Variants in CELA2A observed in about 807,000 individuals in gnomAD.
CELA2A encodes chymotrypsin like elastase 2A, also known as chymotrypsin-like elastase family member 2A.
CELA2A carries 31 observed loss-of-function variants against 35.3 expected under a neutral mutation model. The ratio of observed to expected loss-of-function variants is 0.88; its 90% CI spans 0.66 to 1.19. The LOEUF (loss-of-function observed/expected upper bound fraction) is 1.19. Among genes scored for constraint, CELA2A ranks in the 50% most tolerant of loss-of-function variants. The pLI is 0.00. For missense variants in CELA2A, 330 were observed against 352.9 expected (o/e 0.94, Z 0.52); for synonymous variants, 150 against 149.8 (o/e 1.00, Z -0.01).
At chr1:15,461,738 C>T in intron 3 of CELA2A, 80 bp downstream of exon 3, 1 of 1,529,082 alleles carries the variant, frequency 6.5e-7, no homozygotes, top group Non-Finnish European at 9.1e-7. Context: ...TGGCCTGAAC[C>T]ATGCTACATA....
intron 7 of CELA2A, among the ~76,000 whole-genome samples, chr1:15,471,328 C>G (rs1176564808): frequency 6.6e-6 from 1 of 152,130 alleles, no homozygotes; most frequent in Non-Finnish European, 1.5e-5. Context: ...GAGTAGATCA[C>G]TTGAGGTCAG....
At chr1:15,461,029 G>A (rs1233128789) in intron 2 of CELA2A, among the ~76,000 whole-genome samples, 7 of 152,146 alleles carry the variant, frequency 4.6e-5, no homozygotes, top group African/African-American at 7.2e-5. Context: ...CCTTGTTCAC[G>A]CAGCGGTAGC....
In CELA2A at chr1:15,463,283, G is replaced by T. The variant is rs562156929; in HGVS notation, c.357-103G>T. 74 of 1,555,594 alleles carry T rather than the reference G, an allele frequency of 4.8e-5. No individual in the cohort carries two copies. In the South Asian group the frequency reaches 8.3e-4, roughly 17 times the overall value. On this transcript the variant is annotated intron_variant, in intron 4 of 7. Coordinates refer to ENST00000359621, the MANE Select transcript of CELA2A (RefSeq NM_033440.3). ...GCCCTGCCAGTCAGAGCAACCTGGG[G>T]TAACAGGGTACAGGGAAGATGACAA... is the stretch of plus-strand genomic sequence containing the variant.
chr1:15,461,062 T>A (rs1557516150), intron 2 of CELA2A, among the ~76,000 whole-genome samples: 4 of 152,060 alleles, frequency 2.6e-5, no homozygotes, highest in African/African-American at 4.8e-5. Flanking sequence ...CGAGCAAAAG[T>A]GGGGGAAAGA....
chr1:15,459,786 A>G (rs1364543456), intron 2 of CELA2A, among the ~76,000 whole-genome samples: 1 of 152,100 alleles, frequency 6.6e-6, no homozygotes, highest in Admixed American at 6.6e-5. Context: ...CAAGTAAGAC[A>G]TTCACTCTGG....
chr1:15,472,051 A>G lies in CELA2A; in HGVS notation c.*44A>G. 6.2e-7 allele frequency: 1 copy of G among 1,611,814 alleles called. No homozygotes were observed. The highest frequency in any genetic ancestry group is 1.1e-5 in the South Asian group (1 of 91,042). On this transcript the variant is annotated 3_prime_UTR_variant, in exon 8 of 8. Coordinates refer to ENST00000359621, the MANE Select transcript of CELA2A (RefSeq NM_033440.3). ...ACTGTTTCAGACTTGGAAAGGTCAC[A>G]GAAGGAAAATAATATAATAAAGTGA...
At position 15,463,469 on chromosome 1, in the gene CELA2A, C is replaced by T; in HGVS notation, c.440C>T (p.Thr147Ile). The T allele has an allele frequency of 6.2e-7, 1 of 1,614,058 alleles. No individual in the cohort carries two copies. The highest frequency in any genetic ancestry group is 8.5e-7 in the Non-Finnish European group (1 of 1,179,968). Residue 147 changes from threonine (T) to isoleucine (I), a missense_variant, in exon 5 of 8, where the codon ACC becomes ATC. Thr to Ile is a moderately conservative substitution (Grantham distance 89, BLOSUM62 -1). Coordinates refer to ENST00000359621, the MANE Select transcript of CELA2A (RefSeq NM_033440.3). The part of the protein sequence containing the change: ...IQLACLPPAG[T>I]ILPNNYPCYV... ...CTGGCCTGCCTCCCTCCTGCCGGCA[C>T]CATTCTACCCAACAACTACCCCTGC...
At chr1:15,468,153 ATC>A (rs771060667) in intron 7 of CELA2A, among the ~76,000 whole-genome samples, 18 of 150,342 alleles carry the variant, frequency 1.2e-4, no homozygotes, top group Admixed American at 6.6e-4. Context: ...ATTTTTGTTT[ATC>A]TGTGTGTAGG....
Position 15,468,073 on chromosome 1 carries a change from G to A in CELA2A, c.792+535G>A, listed in dbSNP as rs149725763. Among the ~76,000 whole-genome samples the A allele has an allele frequency of 9.1e-3, 1,025 of 112,174 alleles. 17 individuals are homozygous for A. Among genetic ancestry groups the A allele is most frequent in the African/African-American group, 0.031 (945 of 30,068 alleles). 73.6% of individuals were successfully genotyped at this position (112,174 alleles called of 152,430 possible). A position where few individuals can be genotyped will look rare whatever the true frequency, so the allele number is the denominator to read the frequency against. ...CACCATTGCACTCCAGCCTGGACAA[G>A]AAGAGTGAAACTCCATCTAAAAAAA... On this transcript the variant is annotated intron_variant, in intron 7 of 7. Coordinates refer to ENST00000359621, the MANE Select transcript of CELA2A (RefSeq NM_033440.3).
chr1:15,467,160 T>G (rs1708529403), intron 6 of CELA2A, among the ~76,000 whole-genome samples: 1 of 152,184 alleles, frequency 6.6e-6, no homozygotes, highest in Admixed American at 6.5e-5. Context: ...TTTGTGAGGA[T>G]TAATGAGATG....
At chr1:15,463,824 G>A (rs545470673) in intron 5 of CELA2A, among the ~76,000 whole-genome samples, 12 of 152,042 alleles carry the variant, frequency 7.9e-5, no homozygotes, top group Admixed American at 2.0e-4. Flanking sequence ...CCCATCCCGC[G>A]GATCACTTGA....
intron 5 of CELA2A, 116 bp downstream of exon 5, chr1:15,463,638 A>G (rs1708471422): frequency 6.6e-7 from 1 of 1,517,788 alleles, no homozygotes; most frequent in Non-Finnish European, 8.9e-7. Flanking sequence ...CCTTGGAGAG[A>G]CGGGATGGCA....
At position 15,462,799 on chromosome 1, in the gene CELA2A, G is replaced by GT. The variant is rs750869865; in HGVS notation, c.294_295insT (p.Ala99CysfsTer6). ...TCTACGTTGCGGAGTCCGGCTCGCT[G>GT]GCAGTCAGTGTCTCTAAGATTGTGG... On this transcript the variant is annotated frameshift_variant, in exon 4 of 8. Coordinates refer to ENST00000359621, the MANE Select transcript of CELA2A (RefSeq NM_033440.3). LOFTEE classifies it high-confidence loss of function. 2 of 1,614,126 alleles carry GT rather than the reference G, an allele frequency of 1.2e-6. No individual in the cohort carries two copies. The highest frequency in any genetic ancestry group is 2.2e-5 in the South Asian group (2 of 91,084).
chr1:15,462,807 G>C lies in CELA2A; in HGVS notation c.302G>C (p.Ser101Thr). 6.2e-7 allele frequency: 1 copy of C among 1,614,148 alleles called. No homozygotes were observed. Among genetic ancestry groups the C allele is most frequent in the Middle Eastern group, 1.6e-4 (1 of 6,062 alleles). Residue 101 changes from serine to threonine, a missense_variant, in exon 4 of 8, where the codon AGT becomes ACT. By Grantham distance (58) the Ser-to-Thr change is moderately conservative. Coordinates refer to ENST00000359621, the MANE Select transcript of CELA2A (RefSeq NM_033440.3). ...YVAESGSLAV[S>T]VSKIVVHKDW... ...GCGGAGTCCGGCTCGCTGGCAGTCA[G>C]TGTCTCTAAGATTGTGGTGCACAAG...
At chr1:15,468,194 C>G (rs1708548301) in intron 7 of CELA2A, among the ~76,000 whole-genome samples, 1 of 150,846 alleles carries the variant, frequency 6.6e-6, no homozygotes, top group Non-Finnish European at 1.5e-5. Flanking sequence ...GTGCTATAAA[C>G]AGGTATATTT....
At chr1:15,464,378 G>A (rs1365376047) in intron 5 of CELA2A, among the ~76,000 whole-genome samples, 1 of 152,100 alleles carries the variant, frequency 6.6e-6, no homozygotes, top group Non-Finnish European at 1.5e-5. Flanking sequence ...TAGACTCCAA[G>A]GGTCAGAGAT....
At chr1:15,467,174 C>T (rs947015999) in intron 6 of CELA2A, among the ~76,000 whole-genome samples, 4 of 152,176 alleles carry the variant, frequency 2.6e-5, no homozygotes, top group African/African-American at 9.7e-5. Context: ...TGAGATGAGG[C>T]ATAGAACATG....
Sources: gnomAD v4.1 joint callset for allele counts (sites outside exome capture counted in the v4.1 genomes callset) on GRCh38, gnomAD v4.1.1 for gene constraint, MANE v1.5 for transcripts, NCBI Gene and HGNC (gene_info 2026-07-23, HGNC 2026-07-21) for gene names.